VSTM4: variants seen among roughly 807,000 people sequenced by gnomAD.
VSTM4 encodes the protein V-set and transmembrane domain containing 4.
Under a neutral mutation model 36.4 loss-of-function variants are expected in VSTM4, and 20 were observed. The ratio of observed to expected loss-of-function variants is 0.55; its 90% CI spans 0.39 to 0.80. The LOEUF (loss-of-function observed/expected upper bound fraction) is 0.80, where lower values mean the gene tolerates loss of function less well. VSTM4 is among the 30% of genes least tolerant of loss of function. The pLI, the probability that VSTM4 is intolerant of heterozygous loss-of-function variation, is 0.00. For synonymous variants in VSTM4, 182 were observed against 173.9 expected, an observed-to-expected ratio of 1.05 and a Z score of -0.37; for missense variants, 392 against 404.5, an observed-to-expected ratio of 0.97 and a Z score of 0.26.
intron 2 of VSTM4, among the ~76,000 whole-genome samples, chr10:49,090,912 G>A (rs573110086): frequency 1.3e-5 from 2 of 151,818 alleles, no homozygotes; most frequent in African/African-American, 4.8e-5. Context: ...CATCCGTCCT[G>A]TGTCCAGGGA....
At position 49,025,284 on chromosome 10, in the gene VSTM4, A is replaced by G. The variant is rs143799803; in HGVS notation, c.838-5509T>C. On this transcript the variant is annotated intron_variant, in intron 7 of 7. Coordinates refer to ENST00000332853, the MANE Select transcript of VSTM4 (RefSeq NM_001031746.5). ...GGTGAGGACAGAAGAGAATGGAAGAAAAGAAAATAGCCTTCCTGAAGGGGA... is the reference window on the plus strand; with the variant it reads ...GGTGAGGACAGAAGAGAATGGAAGAGAAGAAAATAGCCTTCCTGAAGGGGA... Among the ~76,000 whole-genome samples the G allele has an allele frequency of 1.3e-3, 199 of 152,300 alleles. 1 individual carries two copies. The highest frequency in any genetic ancestry group is 3.9e-3 in the African/African-American group (164 of 41,560).
chr10:49,032,167 A>C (rs1407288809), intron 7 of VSTM4, among the ~76,000 whole-genome samples: 1 of 152,186 alleles, frequency 6.6e-6, no homozygotes, highest in African/African-American at 2.4e-5. Flanking sequence ...TGACAACAGC[A>C]CCTAATATTT....
At chr10:49,085,173 T>C (rs749700528) in intron 3 of VSTM4, among the ~76,000 whole-genome samples, 12 of 152,246 alleles carry the variant, frequency 7.9e-5, no homozygotes, top group Non-Finnish European at 1.6e-4. Context: ...GGCACAGCCA[T>C]GTGCATTTGG....
At chr10:49,023,748 A>G (rs1843215321) in intron 7 of VSTM4, among the ~76,000 whole-genome samples, 1 of 152,210 alleles carries the variant, frequency 6.6e-6, no homozygotes, top group African/African-American at 2.4e-5. Context: ...TGGCTTCAAA[A>G]TGACTCTCTT....
At chr10:49,063,310 G>C (rs1346742658) in intron 5 of VSTM4, among the ~76,000 whole-genome samples, 2 of 152,028 alleles carry the variant, frequency 1.3e-5, no homozygotes, top group African/African-American at 4.8e-5. Context: ...ACTCCAGCCT[G>C]GGCAACAAGA....
chr10:49,108,456 T>G (rs1288481501), intron 1 of VSTM4, among the ~76,000 whole-genome samples: 1 of 151,934 alleles, frequency 6.6e-6, no homozygotes, highest in Admixed American at 6.6e-5. Flanking sequence ...GTGCTGTGGG[T>G]GGGGAGCCGC....
chr10:49,052,822 T>G (rs1472166058), intron 5 of VSTM4, among the ~76,000 whole-genome samples: 2 of 152,172 alleles, frequency 1.3e-5, no homozygotes, highest in East Asian at 3.8e-4. Context: ...GGGATTTCCT[T>G]AAGGTGGAGA....
At chr10:49,060,909 G>A (rs1325521953) in intron 5 of VSTM4, among the ~76,000 whole-genome samples, 1 of 152,192 alleles carries the variant, frequency 6.6e-6, no homozygotes, top group Non-Finnish European at 1.5e-5. Flanking sequence ...AGCACTGTCT[G>A]TCAAAAGGAC....
chr10:49,065,130 TG>T (rs1843949927), intron 4 of VSTM4, among the ~76,000 whole-genome samples: 3 of 152,112 alleles, frequency 2.0e-5, no homozygotes, highest in African/African-American at 7.2e-5. Context: ...CATTGAAAAA[TG>T]AGTTTGAATT....
At chr10:49,108,504 C>G (rs1169445974) in intron 1 of VSTM4, among the ~76,000 whole-genome samples, 1 of 152,176 alleles carries the variant, frequency 6.6e-6, no homozygotes, top group Non-Finnish European at 1.5e-5. Flanking sequence ...TCTCTGGTGG[C>G]CTGTCCACCA....
chr10:49,043,376 G>T (rs576097575), intron 7 of VSTM4, among the ~76,000 whole-genome samples: 2 of 152,234 alleles, frequency 1.3e-5, no homozygotes, highest in South Asian at 2.1e-4. Context: ...CTTAAATGTG[G>T]CTACTAGAAA....
intron 1 of VSTM4, among the ~76,000 whole-genome samples, chr10:49,108,230 C>T (rs1844826551): frequency 1.3e-5 from 2 of 152,208 alleles, no homozygotes; most frequent in African/African-American, 4.8e-5. Flanking sequence ...GGATGCTAAA[C>T]AATGACCTCC....
intron 7 of VSTM4, among the ~76,000 whole-genome samples, chr10:49,033,995 TC>T (rs1564567802): frequency 6.6e-6 from 1 of 151,918 alleles, no homozygotes; most frequent in Non-Finnish European, 1.5e-5. Flanking sequence ...ATCACCATCA[TC>T]ACCATTACCA....
chr10:49,076,594 G>A (rs562206021), intron 4 of VSTM4, among the ~76,000 whole-genome samples: 6 of 152,304 alleles, frequency 3.9e-5, no homozygotes, highest in East Asian at 1.9e-4. Flanking sequence ...ATCGGGGCTC[G>A]GGGAGAAGCA....
At chr10:49,064,169 T>A (rs1317133668) in intron 5 of VSTM4, 1 of 152,504 alleles carries the variant, frequency 6.6e-6, no homozygotes, top group Non-Finnish European at 1.5e-5. Flanking sequence ...TTATGTTATT[T>A]CCAAGGTTTA....
chr10:49,060,071 T>C (rs1390526603), intron 5 of VSTM4, among the ~76,000 whole-genome samples: 2 of 152,258 alleles, frequency 1.3e-5, no homozygotes, highest in East Asian at 3.8e-4. Context: ...GGTACCTCAC[T>C]GGGTGGATAT....
intron 5 of VSTM4, among the ~76,000 whole-genome samples, chr10:49,062,071 C>T (rs1843887300): frequency 1.3e-5 from 2 of 152,202 alleles, no homozygotes; most frequent in Admixed American, 6.5e-5. Flanking sequence ...TGTGACTTTA[C>T]ACGGTCTATT....
Position 49,019,448 on chromosome 10 carries a change from G to C in VSTM4, c.*202C>G, listed in dbSNP as rs1263536385. On this transcript the variant is annotated 3_prime_UTR_variant, in exon 8 of 8. Coordinates refer to ENST00000332853, the MANE Select transcript of VSTM4 (RefSeq NM_001031746.5). ...AACCCAGGCGCATCTTGTCCCGGGA[G>C]ATCTGTCAAGAGCTGTGGCCCCGAT... 2 of 530,318 alleles carry C rather than the reference G, an allele frequency of 3.8e-6. No homozygotes were observed. The highest frequency in any genetic ancestry group is 8.9e-5 in the Admixed American group (2 of 22,430). The allele number at this position is 530,318 out of a possible 1,614,324, so 32.9% of individuals were successfully genotyped here. A position where few individuals can be genotyped will look rare whatever the true frequency, so the allele number is the denominator to read the frequency against.
rs1408346212 is a variant in VSTM4 at position 49,106,073 on chromosome 10, G to C, written c.457+1521C>G. Among the ~76,000 whole-genome samples, 3 of 152,026 alleles carry C rather than the reference G, an allele frequency of 2.0e-5. No individual in the cohort carries two copies. The East Asian group carries it at 5.8e-4, about 29-fold the overall frequency. On this transcript the variant is annotated intron_variant, in intron 2 of 7. Coordinates refer to ENST00000332853, the MANE Select transcript of VSTM4 (RefSeq NM_001031746.5). ...CACATTCTATTTAATACCTCATTCTGTACTTATAAACATTACAACAAGCAA... is the reference window on the plus strand; with the variant it reads ...CACATTCTATTTAATACCTCATTCTCTACTTATAAACATTACAACAAGCAA...
Sources: gnomAD v4.1 joint callset for allele counts (sites outside exome capture counted in the v4.1 genomes callset) on GRCh38, gnomAD v4.1.1 for gene constraint, MANE v1.5 for transcripts, NCBI Gene and HGNC (gene_info 2026-07-23, HGNC 2026-07-21) for gene names.